SPACA1: variants seen among roughly 807,000 people sequenced by gnomAD.
SPACA1 encodes the protein sperm acrosome membrane-associated protein 1.
In SPACA1, 17 loss-of-function variants were observed where a neutral mutation model predicts 32.6. The ratio of observed to expected loss-of-function variants is 0.52; its 90% CI spans 0.36 to 0.78. The LOEUF (loss-of-function observed/expected upper bound fraction) is 0.78. Ranked by LOEUF, SPACA1 falls within the 30% of genes least tolerant of loss-of-function variation. The pLI, the probability that SPACA1 is intolerant of heterozygous loss-of-function variation, is 0.01. For synonymous variants in SPACA1, 140 were observed against 138.1 expected (o/e 1.01, Z -0.10); for missense variants, 363 against 373.4 (o/e 0.97, Z 0.23).
In SPACA1 at chr6:88,059,473, T is replaced by C; in HGVS notation, c.495T>C (p.Asn165=). The C allele has an allele frequency of 6.2e-7, 1 of 1,611,758 alleles. No individual in the cohort carries two copies. The highest frequency in any genetic ancestry group is 8.5e-7 in the Non-Finnish European group (1 of 1,178,994). Reference sequence around the variant, plus strand: ...AATAGCAATCCATTATACTTGTAAATGATTCAGCAATCCTAGAAGTACGCA... The same window carrying C: ...AATAGCAATCCATTATACTTGTAAACGATTCAGCAATCCTAGAAGTACGCA... ...RQDQQSIILV[N]DSAILEVRKE... Residue 165 remains asparagine (N), a synonymous_variant, in exon 5 of 7, where the codon AAT becomes AAC. Transcript: ENST00000237201.
intron 5 of SPACA1, among the ~76,000 whole-genome samples, chr6:88,061,643 C>A (rs934923677): frequency 6.6e-5 from 10 of 152,160 alleles, no homozygotes; most frequent in African/African-American, 2.2e-4. Flanking sequence ...TCCCCAAGAA[C>A]CTTCAGTGAG....
intron 5 of SPACA1, among the ~76,000 whole-genome samples, chr6:88,063,105 T>C (rs575444447): frequency 6.6e-6 from 1 of 152,294 alleles, no homozygotes; most frequent in South Asian, 2.1e-4. Flanking sequence ...GTAGAAAACA[T>C]TTATAAAACC....
chr6:88,065,210 T>C (rs1027566858), intron 6 of SPACA1, among the ~76,000 whole-genome samples: 16 of 148,802 alleles, frequency 1.1e-4, no homozygotes, highest in Non-Finnish European at 1.9e-4. Context: ...CATATACATA[T>C]ATGTATGTAT....
At position 88,064,238 on chromosome 6, in the gene SPACA1, G is replaced by A. The variant is rs1338636853; in HGVS notation, c.731+19G>A. On this transcript the variant is annotated intron_variant, in intron 6 of 6. Transcript: ENST00000237201. ...TAAATTGGTAGGTGAATAGTGGAAT[G>A]CATCATCACCCTTGATTGACATCCT... 4 of 1,602,532 alleles carry A rather than the reference G, an allele frequency of 2.5e-6. No individual in the cohort carries two copies. Among genetic ancestry groups the A allele is most frequent in the African/African-American group, 2.7e-5 (2 of 74,050 alleles).
intron 5 of SPACA1, among the ~76,000 whole-genome samples, chr6:88,063,326 G>A (rs1245754781): frequency 6.6e-6 from 1 of 152,110 alleles, no homozygotes; most frequent in Non-Finnish European, 1.5e-5. Context: ...TCCATCAGTA[G>A]GAGGATGAGT....
At chr6:88,047,676 C>T (rs528416935), upstream of SPACA1, 64 of 514,558 alleles carry the variant, frequency 1.2e-4, no homozygotes, top group African/African-American at 1.1e-3. Flanking sequence ...GGACTTGTCG[C>T]ACGCGGCTTC....
chr6:88,055,847 T>G (rs1775798966), intron 2 of SPACA1, among the ~76,000 whole-genome samples: 1 of 152,142 alleles, frequency 6.6e-6, no homozygotes, highest in Non-Finnish European at 1.5e-5. Flanking sequence ...GGCACATACC[T>G]GTAGTCCCAG....
At chr6:88,056,933 G>A (rs1775818814) in intron 2 of SPACA1, among the ~76,000 whole-genome samples, 1 of 152,154 alleles carries the variant, frequency 6.6e-6, no homozygotes. Context: ...TCAGTAATAG[G>A]TTCTCCTCTC....
At chr6:88,049,881 T>C (rs1775702971) in intron 1 of SPACA1, among the ~76,000 whole-genome samples, 1 of 152,228 alleles carries the variant, frequency 6.6e-6, no homozygotes, top group Non-Finnish European at 1.5e-5. Context: ...TAATAAATTC[T>C]AGCTTATCAT....
At chr6:88,048,461 T>C (rs932873934) in intron 1 of SPACA1, among the ~76,000 whole-genome samples, 5 of 55,862 alleles carry the variant, frequency 9.0e-5, no homozygotes, top group Admixed American at 3.4e-4. Flanking sequence ...TCCCTTCTCA[T>C]AGTAGATTTT....
chr6:88,053,930 T>A lies in SPACA1; in HGVS notation c.209-16T>A, dbSNP rs183369111. 1.2e-6 allele frequency: 2 copies of A among 1,609,722 alleles called. No homozygotes were observed. Among genetic ancestry groups the A allele is most frequent in the African/African-American group, 2.7e-5 (2 of 74,930 alleles). On this transcript the variant is annotated splice_polypyrimidine_tract_variant and intron_variant, in intron 1 of 6. Coordinates refer to ENST00000237201, the MANE Select transcript of SPACA1 (RefSeq NM_030960.3). The stretch of plus-strand genomic sequence containing the variant: ...TTCATATAATTAAATAATGTATCTT[T>A]ACCCTTTATGTTTAGTTTCAAATAG...
At chr6:88,061,860 C>G (rs748745419) in intron 5 of SPACA1, among the ~76,000 whole-genome samples, 1 of 152,072 alleles carries the variant, frequency 6.6e-6, no homozygotes, top group Non-Finnish European at 1.5e-5. Context: ...GGAAATTGAG[C>G]CTATTTTTTT....
intron 2 of SPACA1, 28 bp downstream of exon 2, chr6:88,054,030 C>T: frequency 6.2e-7 from 1 of 1,608,164 alleles, no homozygotes; most frequent in South Asian, 1.1e-5. Context: ...GATGAATAAA[C>T]CATGTTGTAA....
intron 1 of SPACA1, among the ~76,000 whole-genome samples, chr6:88,053,143 A>G (rs1775756065): frequency 6.6e-6 from 1 of 152,226 alleles, no homozygotes; most frequent in African/African-American, 2.4e-5. Flanking sequence ...CTTAAATGCA[A>G]ACAGCTAATT....
At chr6:88,057,807 C>A in intron 3 of SPACA1, 94 bp downstream of exon 3, 2 of 918,282 alleles carry the variant, frequency 2.2e-6, no homozygotes, top group South Asian at 1.4e-5. Context: ...TAGAAGGAGG[C>A]AACCAGTTGA....
chr6:88,048,460 A>G (rs1775679441), intron 1 of SPACA1, among the ~76,000 whole-genome samples: 1 of 68,696 alleles, frequency 1.5e-5, no homozygotes. Flanking sequence ...TTCCCTTCTC[A>G]TAGTAGATTT....
In SPACA1 at chr6:88,053,927, C is replaced by A. The variant is rs1249642133; in HGVS notation, c.209-19C>A. On this transcript the variant is annotated intron_variant, in intron 1 of 6. Transcript: ENST00000237201. Reference sequence around the variant, plus strand: ...GTTTTCATATAATTAAATAATGTATCTTTACCCTTTATGTTTAGTTTCAAA... The same window carrying A: ...GTTTTCATATAATTAAATAATGTATATTTACCCTTTATGTTTAGTTTCAAA... The A allele has an allele frequency of 1.2e-6, 2 of 1,608,034 alleles. No homozygotes were observed. Among genetic ancestry groups the A allele is most frequent in the African/African-American group, 1.3e-5 (1 of 74,738 alleles).
intron 1 of SPACA1, among the ~76,000 whole-genome samples, chr6:88,052,464 C>A (rs1178745772): frequency 2.0e-5 from 3 of 152,124 alleles, no homozygotes; most frequent in African/African-American, 7.2e-5. Flanking sequence ...TAGTCTAAAT[C>A]ATTTATTTTC....
intron 5 of SPACA1, among the ~76,000 whole-genome samples, chr6:88,060,011 T>C (rs1223386315): frequency 2.0e-5 from 3 of 152,202 alleles, no homozygotes; most frequent in Non-Finnish European, 2.9e-5. Context: ...TTTCATTCAG[T>C]AAAGTAAATA....
Sources: allele counts gnomAD v4.1 joint callset (sites outside exome capture counted in the v4.1 genomes callset), GRCh38; gene constraint gnomAD v4.1.1; transcripts MANE v1.5; gene names NCBI Gene and HGNC (gene_info 2026-07-23, HGNC 2026-07-21).